C2orf92: variants seen among roughly 807,000 people sequenced by gnomAD.
C2orf92 encodes uncharacterized protein C2orf92.
intron 3 of C2orf92, among the ~76,000 whole-genome samples, chr2:97,679,837 CAAAAAAAAAA>C (rs55696146): frequency 6.3e-5 from 6 of 94,758 alleles, no homozygotes; most frequent in Non-Finnish European, 9.5e-5. Flanking sequence ...AACTCTATCT[CAAAAAAAAAA>C]AAAAAAGAAA....
At chr2:97,697,716 T>A (rs969545331) in intron 5 of C2orf92, among the ~76,000 whole-genome samples, 1 of 152,112 alleles carries the variant, frequency 6.6e-6, no homozygotes, top group Non-Finnish European at 1.5e-5. Context: ...TCTGTTATTT[T>A]ATTTTATTGT....
intron 3 of C2orf92, among the ~76,000 whole-genome samples, chr2:97,686,230 A>G (rs978874683): frequency 2.6e-5 from 4 of 152,204 alleles, no homozygotes; most frequent in African/African-American, 9.6e-5. Context: ...CACTCTTACG[A>G]TAACTAACCC....
At chr2:97,693,884 A>C (rs187374501) in intron 5 of C2orf92, among the ~76,000 whole-genome samples, 1 of 152,292 alleles carries the variant, frequency 6.6e-6, no homozygotes, top group East Asian at 1.9e-4. Context: ...ATTCTTTTTC[A>C]ATTTTTAAAA....
chr2:97,687,153 C>T (rs547673836), intron 3 of C2orf92, among the ~76,000 whole-genome samples: 6,825 of 152,052 alleles, frequency 0.045, 485 homozygotes, highest in African/African-American at 0.15. Flanking sequence ...TCACTTGAGG[C>T]CAGGAGTTCC....
chr2:97,690,355 T>C, intron 5 of C2orf92, 28 bp downstream of exon 5: 1 of 398,252 alleles, frequency 2.5e-6, no homozygotes. Context: ...AAATTGGAAT[T>C]GGGGGTTGGT....
At chr2:97,689,181 GCTC>G (rs1676053033) in intron 4 of C2orf92, among the ~76,000 whole-genome samples, 188 bp downstream of exon 4, 1 of 152,168 alleles carries the variant, frequency 6.6e-6, no homozygotes, top group Non-Finnish European at 1.5e-5. Flanking sequence ...TGGAATCTGT[GCTC>G]CAAAGTGTGA....
chr2:97,695,107 T>A (rs1212770578), intron 5 of C2orf92, among the ~76,000 whole-genome samples: 1 of 152,166 alleles, frequency 6.6e-6, no homozygotes, highest in Admixed American at 6.5e-5. Context: ...CTGGGTGGGG[T>A]ACCTTTTTAT....
At chr2:97,684,081 G>T (rs1042458622) in intron 3 of C2orf92, among the ~76,000 whole-genome samples, 1 of 149,584 alleles carries the variant, frequency 6.7e-6, no homozygotes, top group Non-Finnish European at 1.5e-5. Flanking sequence ...TGTCGCCCAG[G>T]CTGGAGTGCA....
chr2:97,695,760 CT>C (rs1365617603), intron 5 of C2orf92, among the ~76,000 whole-genome samples: 1 of 151,052 alleles, frequency 6.6e-6, no homozygotes, highest in Non-Finnish European at 1.5e-5. Context: ...CTTTTCTTTT[CT>C]TTTTCTTTGA....
chr2:97,673,123 T>C (rs1233784003), intron 1 of C2orf92, among the ~76,000 whole-genome samples: 2 of 152,226 alleles, frequency 1.3e-5, no homozygotes, highest in Non-Finnish European at 2.9e-5. Flanking sequence ...CCCCCATGGC[T>C]CCTACCCCTG....
chr2:97,689,713 C>T (rs1034738049), intron 4 of C2orf92, among the ~76,000 whole-genome samples: 4 of 152,186 alleles, frequency 2.6e-5, no homozygotes, highest in Admixed American at 6.5e-5. Context: ...TAGCCCAGGA[C>T]AACTGCCTGG....
rs1028487020 is a variant in C2orf92 at position 97,688,929 on chromosome 2, G to A, written c.267G>A (p.Pro89=). The change falls in exon 4 of 8, where the codon CCG becomes CCA. Residue 89 remains proline, a synonymous_variant. Transcript: ENST00000627399. ...TACTGCAGGTGTTTCCAAAGTTTCCGTATGACCCATCATTTAACGAAGCAA... is the reference window on the plus strand; with the variant it reads ...TACTGCAGGTGTTTCCAAAGTTTCCATATGACCCATCATTTAACGAAGCAA... ...EILLQVFPKF[P]YDPSFNEATA... is the part of the protein sequence containing the mutation. The A allele has an allele frequency of 1.8e-5, 7 of 398,426 alleles. No homozygotes were observed. Among genetic ancestry groups the A allele is most frequent in the Middle Eastern group, 6.2e-4 (1 of 1,610 alleles). The allele number at this position is 398,426 out of a possible 1,614,324, so 24.7% of individuals were successfully genotyped here.
chr2:97,702,649 T>G lies in C2orf92; in HGVS notation c.666-20T>G, dbSNP rs1676532511. 4 of 398,812 alleles carry G rather than the reference T, an allele frequency of 1.0e-5. No homozygotes were observed. The highest frequency in any genetic ancestry group is 1.8e-5 in the Non-Finnish European group (4 of 226,026). 24.7% of individuals were successfully genotyped at this position (398,812 alleles called of 1,614,324 possible). A position where few individuals can be genotyped will look rare whatever the true frequency, so the allele number is the denominator to read the frequency against. On this transcript the variant is annotated intron_variant, in intron 7 of 7. Transcript: ENST00000627399. ...CTGTGCGCTGAGCTGAGCACTGTGGTTTTTGTTATTTTGTTTTAGATCTCC... is the reference window on the plus strand; with the variant it reads ...CTGTGCGCTGAGCTGAGCACTGTGGGTTTTGTTATTTTGTTTTAGATCTCC...
At chr2:97,664,138 G>T (rs1040759207), upstream of C2orf92, 3 of 250,590 alleles carry the variant, frequency 1.2e-5, no homozygotes, top group Non-Finnish European at 2.3e-5. Context: ...GGGGCCTCCG[G>T]AGGCTGGCCA....
At chr2:97,697,060 T>C (rs1676328587) in intron 5 of C2orf92, among the ~76,000 whole-genome samples, 1 of 152,222 alleles carries the variant, frequency 6.6e-6, no homozygotes, top group Non-Finnish European at 1.5e-5. Flanking sequence ...AAGAAGGTTT[T>C]TACCAAGCCC....
intron 3 of C2orf92, among the ~76,000 whole-genome samples, chr2:97,681,676 G>A (rs543240354): frequency 2.8e-4 from 43 of 152,302 alleles, no homozygotes; most frequent in Admixed American, 1.4e-3. Context: ...GGCTAACACG[G>A]TGAAACCCTG....
chr2:97,671,197 T>C (rs1214702652), intron 1 of C2orf92: 5 of 309,948 alleles, frequency 1.6e-5, no homozygotes, highest in Non-Finnish European at 2.3e-5. Context: ...TTAGTAGAGA[T>C]GGGATTTCAT....
chr2:97,699,941 C>G (rs1573231199), intron 6 of C2orf92, among the ~76,000 whole-genome samples: 1 of 152,232 alleles, frequency 6.6e-6, no homozygotes, highest in African/African-American at 2.4e-5. Flanking sequence ...GCCCTGTTTT[C>G]TCCCCATCAC....
At chr2:97,695,276 G>A (rs1316208956) in intron 5 of C2orf92, among the ~76,000 whole-genome samples, 3 of 152,148 alleles carry the variant, frequency 2.0e-5, no homozygotes, top group African/African-American at 4.8e-5. Context: ...TTCTCTAAAC[G>A]TTTTTATAGT....
Sources: gnomAD v4.1 joint callset for allele counts (sites outside exome capture counted in the v4.1 genomes callset) on GRCh38, gnomAD v4.1.1 for gene constraint, MANE v1.5 for transcripts, NCBI Gene and HGNC (gene_info 2026-07-23, HGNC 2026-07-21) for gene names.